ITSN1: variants seen among roughly 807,000 people sequenced by gnomAD.
ITSN1 encodes intersectin 1.
ITSN1 carries 58 observed loss-of-function variants against 239.8 expected under a neutral mutation model. The observed-to-expected ratio is 0.24, with a 90% CI of 0.20 to 0.30. ITSN1 has a LOEUF of 0.30. Among genes scored for constraint, ITSN1 ranks in the 10% least tolerant of loss-of-function variants. The pLI is 1.00. For missense variants in ITSN1, 1,558 were observed against 2,103.3 expected (o/e 0.74, Z 5.07); for synonymous variants, 780 against 770.8 (o/e 1.01, Z -0.20).
intron 4 of ITSN1, 109 bp from the exon 5 acceptor site, chr21:33,734,935 C>T: frequency 1.2e-6 from 1 of 856,274 alleles, no homozygotes. Context: ...GTTGTTGTCT[C>T]TAGGGGTAAG....
intron 1 of ITSN1, among the ~76,000 whole-genome samples, chr21:33,679,933 C>T (rs1042618680): frequency 3.9e-5 from 6 of 152,116 alleles, no homozygotes; most frequent in African/African-American, 1.2e-4. Flanking sequence ...CTCCTGACCT[C>T]GTGATCCGCC....
intron 3 of ITSN1, 24 bp from the exon 4 acceptor site, chr21:33,722,564 A>G: frequency 6.7e-7 from 1 of 1,488,290 alleles, no homozygotes; most frequent in East Asian, 2.5e-5. Context: ...TTTTTTCCTG[A>G]AACTTTTTCT....
chr21:33,840,962 T>C (rs1478955008), intron 29 of ITSN1, among the ~76,000 whole-genome samples: 1 of 152,032 alleles, frequency 6.6e-6, no homozygotes, highest in Non-Finnish European at 1.5e-5. Context: ...ATCACTCTCC[T>C]CTGGCCGGCT....
chr21:33,880,707 C>T, intron 34 of ITSN1, among the ~76,000 whole-genome samples: 1 of 152,148 alleles, frequency 6.6e-6, no homozygotes, highest in Admixed American at 6.5e-5. Flanking sequence ...CAAATACTCT[C>T]TTCAGAGAGG....
intron 31 of ITSN1, among the ~76,000 whole-genome samples, chr21:33,859,658 T>G (rs1980088228): frequency 6.6e-6 from 1 of 152,172 alleles, no homozygotes; most frequent in African/African-American, 2.4e-5. Flanking sequence ...AAGTCCCCAT[T>G]TCCTAAATGT....
In ITSN1 at chr21:33,882,561, C is replaced by T. The variant is rs188795778; in HGVS notation, c.4554+106C>T. 2.2e-4 allele frequency: 199 copies of T among 894,392 alleles called. No individual in the cohort carries two copies. The African/African-American group carries it at 3.2e-3, about 14-fold the overall frequency. 55.4% of individuals were successfully genotyped at this position (894,392 alleles called of 1,614,324 possible). ...TAGCAGGGTCAGGGGCTGTGGCATG[C>T]AGGAGAAGGCCAGGAGTTGAAATGC... is the stretch of plus-strand genomic sequence containing the variant. On this transcript the variant is annotated intron_variant, in intron 35 of 39. Transcript: ENST00000381318. The surrounding 1 kb of genome is among the most constrained non-coding windows in gnomAD (Gnocchi z 4.5).
In ITSN1 at chr21:33,826,881, A is replaced by AT; in HGVS notation, c.3229+19dup. ...AAAACCTGGTAAGTTACAAACCCTG[A>AT]TGCTTACTTTTCAATGTTTTGAATG... On this transcript the variant is annotated intron_variant, in intron 26 of 39. Coordinates refer to ENST00000381318, the MANE Select transcript of ITSN1 (RefSeq NM_003024.3). 1 of 1,604,412 alleles carries AT rather than the reference A, an allele frequency of 6.2e-7. No individual in the cohort carries two copies. The highest frequency in any genetic ancestry group is 8.5e-7 in the Non-Finnish European group (1 of 1,171,178).
At chr21:33,769,331 C>T (rs1330843249) in intron 11 of ITSN1, among the ~76,000 whole-genome samples, 3 of 152,110 alleles carry the variant, frequency 2.0e-5, no homozygotes, top group African/African-American at 4.8e-5. Context: ...TATATGCCTC[C>T]TACATACTAG....
chr21:33,894,312 G>A lies in ITSN1; in HGVS notation c.*6012G>A, dbSNP rs1986561669. On this transcript the variant is annotated 3_prime_UTR_variant, in exon 40 of 40. Coordinates refer to ENST00000381318, the MANE Select transcript of ITSN1 (RefSeq NM_003024.3). ...CCCTCTTTACCCTGGCCCTGGGGGA[G>A]CCATATTACACCCACATCATAATTT... 1 of 152,190 alleles carries A rather than the reference G, an allele frequency of 6.6e-6. No homozygotes were observed. Among genetic ancestry groups the A allele is most frequent in the African/African-American group, 2.4e-5 (1 of 41,432 alleles). 9.4% of individuals were successfully genotyped at this position (152,190 alleles called of 1,614,324 possible).
chr21:33,793,985 T>G (rs2071344149), intron 16 of ITSN1, among the ~76,000 whole-genome samples: 1 of 152,194 alleles, frequency 6.6e-6, no homozygotes, highest in African/African-American at 2.4e-5. Context: ...AAAAGAAGCT[T>G]AAGTTTTATT....
At chr21:33,842,250 T>C (rs1349372911) in intron 29 of ITSN1, among the ~76,000 whole-genome samples, 1 of 152,138 alleles carries the variant, frequency 6.6e-6, no homozygotes, top group Non-Finnish European at 1.5e-5. Context: ...GCTTCCAGAG[T>C]GTCTCCTGAC....
At chr21:33,819,116 A>C in intron 23 of ITSN1, 125 bp from the exon 24 acceptor site, 1 of 661,304 alleles carries the variant, frequency 1.5e-6, no homozygotes, top group Non-Finnish European at 2.6e-6. Flanking sequence ...AGCTAAGTAC[A>C]ACTATTTCAG....
intron 33 of ITSN1, among the ~76,000 whole-genome samples, chr21:33,873,313 TG>T (rs762272274): frequency 6.6e-6 from 1 of 152,268 alleles, no homozygotes; most frequent in African/African-American, 2.4e-5. Context: ...GGACAAGGCC[TG>T]GGCAAATATG....
intron 14 of ITSN1, among the ~76,000 whole-genome samples, chr21:33,780,647 G>A (rs911906219): frequency 6.6e-6 from 1 of 151,982 alleles, no homozygotes; most frequent in Non-Finnish European, 1.5e-5. Context: ...TTTAATTAAG[G>A]CATTTTTAGT....
chr21:33,647,924 A>C (rs545055698), intron 1 of ITSN1, among the ~76,000 whole-genome samples: 1 of 152,288 alleles, frequency 6.6e-6, no homozygotes, highest in African/African-American at 2.4e-5. Context: ...TTGTGAGATT[A>C]TTTTCATTAG....
intron 1 of ITSN1, among the ~76,000 whole-genome samples, chr21:33,715,840 C>T (rs1292158722): frequency 1.3e-5 from 2 of 152,120 alleles, no homozygotes; most frequent in Non-Finnish European, 2.9e-5. Flanking sequence ...ATTGCTTGAA[C>T]CCAGGAGGTG....
intron 3 of ITSN1, among the ~76,000 whole-genome samples, chr21:33,722,220 G>A (rs2065530361): frequency 6.6e-6 from 1 of 152,160 alleles, no homozygotes; most frequent in African/African-American, 2.4e-5. Flanking sequence ...TAGGTATTGG[G>A]AATGGCAAAT....
At chr21:33,651,029 C>T (rs536833554) in intron 1 of ITSN1, among the ~76,000 whole-genome samples, 37 of 152,232 alleles carry the variant, frequency 2.4e-4, no homozygotes, top group Non-Finnish European at 4.1e-4. Context: ...GGGAGTGTAT[C>T]GCTGTTGTCC....
At chr21:33,844,489 G>A (rs73352164) in intron 29 of ITSN1, among the ~76,000 whole-genome samples, 1,584 of 152,260 alleles carry the variant, frequency 0.01, 28 homozygotes, top group African/African-American at 0.031. Context: ...AGAATGGAAC[G>A]TTCAGCCCCC....
Sources: gnomAD v4.1 joint callset for allele counts (sites outside exome capture counted in the v4.1 genomes callset) on GRCh38, gnomAD v4.1.1 for gene constraint, Gnocchi (gnomAD v3.1) non-coding constraint, MANE v1.5 for transcripts, NCBI Gene and HGNC (gene_info 2026-07-23, HGNC 2026-07-21) for gene names.